RPS6KC1: variants seen among roughly 807,000 people sequenced by gnomAD.
RPS6KC1 encodes the protein ribosomal protein S6 kinase C1.
RPS6KC1 carries 54 observed loss-of-function variants against 103.8 expected under a neutral mutation model. The ratio of observed to expected loss-of-function variants is 0.52; its 90% CI spans 0.42 to 0.65. The LOEUF (loss-of-function observed/expected upper bound fraction) is 0.65, where lower values mean the gene tolerates loss of function less well. Among genes scored for constraint, RPS6KC1 ranks in the 30% least tolerant of loss-of-function variants. RPS6KC1 has a pLI of 0.00. For missense variants in RPS6KC1, 1,151 were observed against 1,253.8 expected, an observed-to-expected ratio of 0.92 and a Z score of 1.24; for synonymous variants, 439 against 438.7, an observed-to-expected ratio of 1.00 and a Z score of -0.01.
chr1:213,647,067 A>C, the RPS6KC1 span, among the ~76,000 whole-genome samples: 116 of 151,800 alleles, frequency 7.6e-4, 1 homozygote, highest in Non-Finnish European at 1.3e-3. Context: ...CCCGTAATAC[A>C]CACCAGCTAA....
Position 213,132,653 on chromosome 1 carries a change from A to G in RPS6KC1, c.835+2764A>G, listed in dbSNP as rs74824318. Among the ~76,000 whole-genome samples the G allele has an allele frequency of 1.4e-4, 22 of 152,320 alleles. No homozygotes were observed. In the East Asian group the frequency reaches 4.1e-3, roughly 28 times the overall value. ...CTTGGGTAAAGTTTGTTCTGGGGTAACAAAACTGTTAGTGAAATATCTCTA... is the reference window on the plus strand; with the variant it reads ...CTTGGGTAAAGTTTGTTCTGGGGTAGCAAAACTGTTAGTGAAATATCTCTA... On this transcript the variant is annotated intron_variant, in intron 6 of 14. Coordinates refer to ENST00000366960, the MANE Select transcript of RPS6KC1 (RefSeq NM_012424.6).
intron 3 of RPS6KC1, among the ~76,000 whole-genome samples, chr1:213,084,503 G>C (rs1480959843): frequency 6.6e-6 from 1 of 152,098 alleles, no homozygotes; most frequent in East Asian, 1.9e-4. Flanking sequence ...AAGCACTTCA[G>C]TTCTTCACTA....
At chr1:213,595,943 A>T in the RPS6KC1 span, among the ~76,000 whole-genome samples, 65 of 152,236 alleles carry the variant, frequency 4.3e-4, no homozygotes, top group African/African-American at 1.5e-3. Context: ...ATTTTGTTAT[A>T]TTGGGGATTT....
the RPS6KC1 span, among the ~76,000 whole-genome samples, chr1:213,725,630 T>G: frequency 5.3e-5 from 8 of 152,208 alleles, no homozygotes; most frequent in Non-Finnish European, 1.0e-4. Context: ...GACAGTATCC[T>G]CTTTTGCTAA....
the RPS6KC1 span, among the ~76,000 whole-genome samples, chr1:213,297,016 G>A: frequency 6.6e-6 from 1 of 152,200 alleles, no homozygotes; most frequent in East Asian, 1.9e-4. Flanking sequence ...CTTTCTTCCC[G>A]ATGCACCATC....
At chr1:213,138,200 A>G (rs61834116) in intron 6 of RPS6KC1, among the ~76,000 whole-genome samples, 11,783 of 151,990 alleles carry the variant, frequency 0.078, 688 homozygotes, top group African/African-American at 0.16. Flanking sequence ...TTTATATATC[A>G]TTGGATTTAA....
chr1:213,228,415 A>T (rs193172628), intron 8 of RPS6KC1, among the ~76,000 whole-genome samples: 180 of 152,280 alleles, frequency 1.2e-3, no homozygotes, highest in African/African-American at 3.2e-3. Flanking sequence ...AATGTAGAAT[A>T]GGAATGGTAA....
chr1:213,508,751 G>T, the RPS6KC1 span, among the ~76,000 whole-genome samples: 6 of 152,298 alleles, frequency 3.9e-5, no homozygotes, highest in African/African-American at 1.4e-4. Context: ...CACCACCAGG[G>T]TTTTCATGTT....
chr1:213,541,597 A>G, the RPS6KC1 span, among the ~76,000 whole-genome samples: 1 of 152,166 alleles, frequency 6.6e-6, no homozygotes, highest in Non-Finnish European at 1.5e-5. Context: ...AATGCCTGAG[A>G]CTATCCTTTG....
chr1:213,657,432 AAAT>A, the RPS6KC1 span, among the ~76,000 whole-genome samples: 1 of 152,134 alleles, frequency 6.6e-6, no homozygotes, highest in East Asian at 1.9e-4. Context: ...TAGCTAAAAA[AAAT>A]AATGTAATTA....
chr1:213,719,490 A>T, the RPS6KC1 span, among the ~76,000 whole-genome samples: 1 of 152,240 alleles, frequency 6.6e-6, no homozygotes, highest in Non-Finnish European at 1.5e-5. Context: ...GCATGTGCAT[A>T]TATATAAAAC....
At chr1:213,333,129 T>C in the RPS6KC1 span, among the ~76,000 whole-genome samples, 6 of 152,376 alleles carry the variant, frequency 3.9e-5, no homozygotes, top group Middle Eastern at 3.4e-3. Context: ...ACTCTTGGGC[T>C]AATAGTTATG....
chr1:213,699,086 T>TAAAC, the RPS6KC1 span, among the ~76,000 whole-genome samples: 2 of 152,122 alleles, frequency 1.3e-5, no homozygotes, highest in Non-Finnish European at 2.9e-5. Context: ...TACTTTAAAA[T>TAAAC]AAACAATTAA....
chr1:213,508,004 A>C, the RPS6KC1 span, among the ~76,000 whole-genome samples: 4 of 152,222 alleles, frequency 2.6e-5, no homozygotes, highest in African/African-American at 9.6e-5. Flanking sequence ...TGAAACAATG[A>C]TTAGGAGGCA....
chr1:213,500,631 T>C, the RPS6KC1 span, among the ~76,000 whole-genome samples: 1 of 152,144 alleles, frequency 6.6e-6, no homozygotes. Context: ...CACATGAGTA[T>C]TGGGGTTGTG....
the RPS6KC1 span, among the ~76,000 whole-genome samples, chr1:213,649,175 G>T: frequency 6.6e-6 from 1 of 150,914 alleles, no homozygotes; most frequent in Admixed American, 6.6e-5. Flanking sequence ...CTGCTGGATG[G>T]TTCTTCTCCC....
chr1:213,288,321 T>G, the RPS6KC1 span, among the ~76,000 whole-genome samples: 1 of 152,186 alleles, frequency 6.6e-6, no homozygotes, highest in Non-Finnish European at 1.5e-5. Context: ...GGCATGACAG[T>G]TGAAGCAACC....
At chr1:213,795,267 G>A in the RPS6KC1 span, among the ~76,000 whole-genome samples, 1 of 152,166 alleles carries the variant, frequency 6.6e-6, no homozygotes, top group African/African-American at 2.4e-5. Flanking sequence ...AGCTTTGTTA[G>A]ACATTCTGGA....
chr1:213,514,508 C>G, the RPS6KC1 span, among the ~76,000 whole-genome samples: 2 of 151,432 alleles, frequency 1.3e-5, no homozygotes, highest in South Asian at 2.1e-4. Context: ...CCATAGTTTG[C>G]TGAGAATGAT....
Sources: allele counts gnomAD v4.1 joint callset (sites outside exome capture counted in the v4.1 genomes callset), GRCh38; gene constraint gnomAD v4.1.1; transcripts MANE v1.5; gene names NCBI Gene and HGNC (gene_info 2026-07-23, HGNC 2026-07-21).